The following TMEM181 variants were observed in gnomAD, a reference collection of about 807,000 sequenced individuals.
The protein encoded by TMEM181 is transmembrane protein 181.
TMEM181 carries 39 observed loss-of-function variants against 71.9 expected under a neutral mutation model. The observed-to-expected ratio is 0.54, with a 90% confidence interval of 0.42 to 0.71. The LOEUF is 0.71. TMEM181 is among the 30% of genes least tolerant of loss of function. The pLI is 0.00. For missense variants in TMEM181, 595 were observed against 583.0 expected (o/e 1.02, Z -0.21); for synonymous variants, 245 against 228.8 (o/e 1.07, Z -0.64).
At chr6:158,610,553 T>C in intron 10 of TMEM181, 1 of 443,746 alleles carries the variant, frequency 2.3e-6, no homozygotes, top group Non-Finnish European at 3.6e-6. Flanking sequence ...GCTGGATGTG[T>C]GTCCTCCACA....
intron 4 of TMEM181, among the ~76,000 whole-genome samples, 154 bp from the exon 5 acceptor site, chr6:158,585,150 G>A (rs1783693516): frequency 6.6e-6 from 1 of 152,176 alleles, no homozygotes; most frequent in Admixed American, 6.5e-5. Context: ...ACTTTGCTGG[G>A]CAATTAAGAG....
Position 158,605,160 on chromosome 6 carries a change from A to G in TMEM181, c.493-107A>G, listed in dbSNP as rs6930184. ...TGTGTGTGTGTGTGTGTGTGTGTGT[A>G]TGTGTATATATTGTCTCATCTAGAG... On this transcript the variant is annotated intron_variant, in intron 6 of 16. Transcript: ENST00000684151. The G allele has an allele frequency of 5.0e-3, 2,608 of 523,174 alleles. 44 individuals are homozygous for G. Among genetic ancestry groups the G allele is most frequent in the Non-Finnish European group, 5.7e-3 (1,690 of 294,854 alleles). 32.4% of individuals were successfully genotyped at this position (523,174 alleles called of 1,614,324 possible).
At chr6:158,557,760 C>T (rs1781957157), upstream of TMEM181, among the ~76,000 whole-genome samples, 1 of 152,136 alleles carries the variant, frequency 6.6e-6, no homozygotes, top group Non-Finnish European at 1.5e-5. Flanking sequence ...CAGGTGATCC[C>T]CGCCTCACCT....
At chr6:158,548,195 C>T (rs190923940) in intron 1 of TMEM181, among the ~76,000 whole-genome samples, 64 of 152,232 alleles carry the variant, frequency 4.2e-4, no homozygotes, top group Admixed American at 9.2e-4. Flanking sequence ...ATAAACCAGC[C>T]GTGTTTGTCC....
At chr6:158,538,003 GC>G (rs1448476240) in intron 1 of TMEM181, among the ~76,000 whole-genome samples, 1 of 152,138 alleles carries the variant, frequency 6.6e-6, no homozygotes, top group African/African-American at 2.4e-5. Flanking sequence ...TTTGGGGCGA[GC>G]CTGGAAATCT....
intron 1 of TMEM181, among the ~76,000 whole-genome samples, chr6:158,565,224 T>C (rs1317251900): frequency 6.6e-6 from 1 of 152,238 alleles, no homozygotes; most frequent in Non-Finnish European, 1.5e-5. Context: ...CTAGGGCAGC[T>C]GAGTGCTTGC....
intron 1 of TMEM181, chr6:158,536,948 T>TG: frequency 9.2e-7 from 1 of 1,081,384 alleles, no homozygotes; most frequent in Non-Finnish European, 1.1e-6. Flanking sequence ...GCCCCGGCCT[T>TG]GGCCTGGTCC....
chr6:158,605,159 T>C lies in TMEM181; in HGVS notation c.493-108T>C, dbSNP rs530131612. On this transcript the variant is annotated intron_variant, in intron 6 of 16. Transcript: ENST00000684151. ...GTGTGTGTGTGTGTGTGTGTGTGTG[T>C]ATGTGTATATATTGTCTCATCTAGA... 3.1e-5 allele frequency: 22 copies of C among 703,118 alleles called. No individual in the cohort carries two copies. In the South Asian group the frequency reaches 3.5e-4, roughly 11 times the overall value. 43.6% of individuals were successfully genotyped at this position (703,118 alleles called of 1,614,324 possible).
chr6:158,570,488 G>A (rs200406612), intron 1 of TMEM181, among the ~76,000 whole-genome samples: 221 of 151,344 alleles, frequency 1.5e-3, no homozygotes, highest in Non-Finnish European at 1.9e-3. Flanking sequence ...TGATCCGCCC[G>A]CCTTGGCCTC....
rs1246180919 is a variant in TMEM181, at chr6:158,632,347, G to A, written c.*459G>A. The A allele has an allele frequency of 1.1e-5, 2 of 178,430 alleles. No homozygotes were observed. The highest frequency in any genetic ancestry group is 5.6e-5 in the Admixed American group (1 of 18,008). 11.1% of individuals were successfully genotyped at this position (178,430 alleles called of 1,614,324 possible). The stretch of plus-strand genomic sequence containing the variant: ...AACTCAAAGGGAAGCCTTATCTGTG[G>A]CTGCTTCAGGGCAGTCCTTCCTCGT... On this transcript the variant is annotated 3_prime_UTR_variant, in exon 17 of 17. Coordinates refer to ENST00000684151, the MANE Select transcript of TMEM181 (RefSeq NM_001376852.1).
At chr6:158,626,922 T>TCTCACCCTCATTCTCACCCTCACC (rs1562315715) in intron 13 of TMEM181, among the ~76,000 whole-genome samples, 2 of 82,158 alleles carry the variant, frequency 2.4e-5, no homozygotes, top group Non-Finnish European at 4.7e-5. Flanking sequence ...TCACCCTCAT[T>TCTCACCCTCATTCTCACCCTCACC]CTCACCCTCA....
chr6:158,609,946 G>A, intron 10 of TMEM181: 1 of 228,858 alleles, frequency 4.4e-6, no homozygotes, highest in South Asian at 7.8e-5. Context: ...AGTACGTCAG[G>A]ACTGCCATGA....
At chr6:158,571,012 A>C (rs572625399) in intron 1 of TMEM181, among the ~76,000 whole-genome samples, 1 of 151,690 alleles carries the variant, frequency 6.6e-6, no homozygotes, top group South Asian at 2.1e-4. Context: ...TCCCTGGTTC[A>C]AGCGATTCTC....
At chr6:158,574,685 C>G (rs1783063566) in intron 2 of TMEM181, among the ~76,000 whole-genome samples, 2 of 152,212 alleles carry the variant, frequency 1.3e-5, no homozygotes, top group Non-Finnish European at 2.9e-5. Flanking sequence ...ATACAGTACT[C>G]TATTAGTCAG....
At chr6:158,623,507 A>G in intron 10 of TMEM181, 43 bp from the exon 11 acceptor site, 1 of 1,260,084 alleles carries the variant, frequency 7.9e-7, no homozygotes, top group Non-Finnish European at 1.1e-6. Flanking sequence ...TAAAAAGTAA[A>G]GGTAGTTATT....
chr6:158,615,670 A>G (rs990439637), intron 10 of TMEM181, among the ~76,000 whole-genome samples: 5 of 152,190 alleles, frequency 3.3e-5, no homozygotes, highest in African/African-American at 1.2e-4. Flanking sequence ...TATAGGGTGT[A>G]AGGAAGAGAT....
chr6:158,586,164 C>T (rs1474209924), intron 5 of TMEM181, among the ~76,000 whole-genome samples: 1 of 152,170 alleles, frequency 6.6e-6, no homozygotes, highest in Non-Finnish European at 1.5e-5. Context: ...CCTGGGTCCA[C>T]AGTGGGGAAT....
intron 13 of TMEM181, among the ~76,000 whole-genome samples, chr6:158,626,968 TCA>T (rs1191543802): frequency 8.8e-6 from 1 of 113,586 alleles, no homozygotes; most frequent in Middle Eastern, 5.6e-3. Context: ...TCACACCCTC[TCA>T]CACATCATCA....
At chr6:158,599,199 C>A (rs1207574071) in intron 6 of TMEM181, among the ~76,000 whole-genome samples, 1 of 152,208 alleles carries the variant, frequency 6.6e-6, no homozygotes, top group African/African-American at 2.4e-5. Context: ...TCACTTATTT[C>A]GTGCTGCATG....
Sources: gnomAD v4.1 joint callset for allele counts (sites outside exome capture counted in the v4.1 genomes callset) on GRCh38, gnomAD v4.1.1 for gene constraint, MANE v1.5 for transcripts, NCBI Gene and HGNC (gene_info 2026-07-23, HGNC 2026-07-21) for gene names.